Variants in NFATC2 observed in about 807,000 individuals in gnomAD.
NFATC2 encodes the protein nuclear factor of activated T-cells, cytoplasmic 2.
Under a neutral mutation model 87.3 loss-of-function variants are expected in NFATC2, and 22 were observed. The observed-to-expected ratio is 0.25, with a 90% confidence interval of 0.18 to 0.36. The LOEUF is 0.36. Ranked by LOEUF, NFATC2 falls within the 10% of genes least tolerant of loss-of-function variation. The pLI is 1.00. For missense variants in NFATC2, 1,149 were observed against 1,259.1 expected, an observed-to-expected ratio of 0.91 and a Z score of 1.32; for synonymous variants, 565 against 542.2, an observed-to-expected ratio of 1.04 and a Z score of -0.58.
chr20:51,414,826 T>C (rs1230522716), intron 9 of NFATC2, among the ~76,000 whole-genome samples: 1 of 152,152 alleles, frequency 6.6e-6, no homozygotes, highest in Non-Finnish European at 1.5e-5. Flanking sequence ...GCGAGGCTGA[T>C]CATGCATACA....
rs553552104 is a variant in NFATC2 at position 51,524,531 on chromosome 20, C to T, written c.131-421G>A. 6.6e-5 allele frequency among the ~76,000 whole-genome samples: 10 copies of T among 152,274 alleles called. No individual in the cohort carries two copies. In the East Asian group the frequency reaches 9.6e-4, roughly 15 times the overall value. ...AGTGATTTTGCTTCAACGCTGGTCACGACCCATTAGACGGATCCCCTAACC... is the reference window on the plus strand; with the variant it reads ...AGTGATTTTGCTTCAACGCTGGTCATGACCCATTAGACGGATCCCCTAACC... On this transcript the variant is annotated intron_variant, in intron 1 of 10. Transcript: ENST00000371564. The surrounding 1 kb of genome is among the most constrained non-coding windows in gnomAD (Gnocchi z 4.0).
chr20:51,483,313 T>A (rs1989422353), intron 3 of NFATC2, among the ~76,000 whole-genome samples: 1 of 151,348 alleles, frequency 6.6e-6, no homozygotes, highest in African/African-American at 2.4e-5. Flanking sequence ...CCAAACAGTT[T>A]TGAATTTTAC....
intron 10 of NFATC2, 71 bp from the exon 11 acceptor site, chr20:51,391,522 G>C (rs1986343473): frequency 1.3e-6 from 2 of 1,506,700 alleles, no homozygotes; most frequent in African/African-American, 1.4e-5. Flanking sequence ...ACATGCATCA[G>C]GTTCACTTTC....
Position 51,391,471 on chromosome 20 carries a change from G to T in NFATC2, c.*45-20C>A, listed in dbSNP as rs199675591. 55 of 1,579,112 alleles carry T rather than the reference G, an allele frequency of 3.5e-5. 1 individual carries two copies. The highest frequency in any genetic ancestry group is 2.7e-4 in the East Asian group (12 of 44,506). On this transcript the variant is annotated intron_variant, in intron 10 of 10. Transcript: ENST00000371564. ...CATTAACTACAAAAGAAAAGAGGAG[G>T]GGGGGGGAGAGAGAATGGGGCAAGT...
At chr20:51,483,435 G>A (rs1366473922) in intron 3 of NFATC2, among the ~76,000 whole-genome samples, 1 of 152,068 alleles carries the variant, frequency 6.6e-6, no homozygotes, top group Non-Finnish European at 1.5e-5. Context: ...CCCAGGGTGG[G>A]GGAGAAGGCC....
chr20:51,399,286 C>G (rs913274270), intron 9 of NFATC2: 6 of 153,648 alleles, frequency 3.9e-5, no homozygotes, highest in African/African-American at 1.4e-4. Context: ...AACGAAGGCA[C>G]TTGAATGAGA....
intron 6 of NFATC2, among the ~76,000 whole-genome samples, chr20:51,445,864 C>T (rs1402352893): frequency 2.6e-5 from 4 of 152,140 alleles, no homozygotes; most frequent in Non-Finnish European, 5.9e-5. Flanking sequence ...TGAGAGGGCA[C>T]GCTTGGATGC....
At chr20:51,487,931 T>C (rs1164459449) in intron 3 of NFATC2, among the ~76,000 whole-genome samples, 1 of 152,148 alleles carries the variant, frequency 6.6e-6, no homozygotes, top group Non-Finnish European at 1.5e-5. Context: ...GCATAACTCT[T>C]AGACTCAGCA....
At chr20:51,542,757 G>GC (rs966553071), upstream of NFATC2, 10 of 329,346 alleles carry the variant, frequency 3.0e-5, no homozygotes, top group Admixed American at 3.6e-4. Context: ...GGCGGGGGGG[G>GC]GGGGGGCGTG....
intron 9 of NFATC2, among the ~76,000 whole-genome samples, chr20:51,411,421 C>CACACACAT (rs1410905059): frequency 1.3e-5 from 2 of 150,854 alleles, no homozygotes; most frequent in African/African-American, 2.4e-5. Context: ...TATCCATGCA[C>CACACACAT]ACACACATAC....
intron 9 of NFATC2, among the ~76,000 whole-genome samples, chr20:51,403,334 G>A (rs1988242076): frequency 6.6e-6 from 1 of 152,198 alleles, no homozygotes; most frequent in African/African-American, 2.4e-5. Context: ...CGTGGCCCTT[G>A]CACGTACTGC....
At chr20:51,481,498 C>A (rs192561550) in intron 3 of NFATC2, among the ~76,000 whole-genome samples, 1 of 152,064 alleles carries the variant, frequency 6.6e-6, no homozygotes, top group Non-Finnish European at 1.5e-5. Flanking sequence ...AAGGTGAGAG[C>A]GAAAGTTTTC....
chr20:51,561,515 G>A (rs972582228), intron 1 of NFATC2, among the ~76,000 whole-genome samples: 6 of 138,826 alleles, frequency 4.3e-5, no homozygotes, highest in Non-Finnish European at 7.9e-5. Context: ...AAGCAAGCAA[G>A]CAAGCAAGCA....
intron 6 of NFATC2, 99 bp from the exon 7 acceptor site, chr20:51,435,860 T>G (rs1983486861): frequency 1.9e-5 from 19 of 995,768 alleles, no homozygotes; most frequent in Non-Finnish European, 2.9e-5. Context: ...GCTTGTATAT[T>G]ATGTCATTTC....
At chr20:51,553,429 A>G (rs2076950852) in intron 1 of NFATC2, among the ~76,000 whole-genome samples, 1 of 152,020 alleles carries the variant, frequency 6.6e-6, no homozygotes, top group Non-Finnish European at 1.5e-5. Context: ...TAATCCCAGC[A>G]CTTTGGGAGG....
chr20:51,416,187 TGA>T (rs1252016778), intron 9 of NFATC2, among the ~76,000 whole-genome samples: 3 of 152,060 alleles, frequency 2.0e-5, no homozygotes, highest in Non-Finnish European at 2.9e-5. Flanking sequence ...ACTTGAACCC[TGA>T]AGGCAGAGGT....
chr20:51,474,169 A>C lies in NFATC2; in HGVS notation c.1536-17T>G, dbSNP rs184518162. The C allele has an allele frequency of 2.4e-3, 3,804 of 1,612,300 alleles. 9 individuals are homozygous for C. The highest frequency in any genetic ancestry group is 3.0e-3 in the Admixed American group (181 of 59,958). On this transcript the variant is annotated splice_polypyrimidine_tract_variant and intron_variant, in intron 4 of 10. Transcript: ENST00000371564. ...CAGTCGATGCTGCCAGGATGTTAAG[A>C]ACCCCATTGTCACCAACTACCTTCA...
rs186620978 is a variant in NFATC2, at chr20:51,398,810, C to T, written c.2723-80G>A. Reference sequence around the variant, plus strand: ...TCTCTCTTACGCTTCCAACTCATGCCGATATCATCCAAGCCCAGGAGGGAA... The same window carrying T: ...TCTCTCTTACGCTTCCAACTCATGCTGATATCATCCAAGCCCAGGAGGGAA... On this transcript the variant is annotated intron_variant, in intron 9 of 10. Transcript: ENST00000371564. The T allele has an allele frequency of 8.0e-5, 77 of 959,486 alleles. No homozygotes were observed. The Middle Eastern group carries it at 8.4e-4, about 10-fold the overall frequency. The allele number at this position is 959,486 out of a possible 1,614,324, so 59.4% of individuals were successfully genotyped here.
intron 5 of NFATC2, among the ~76,000 whole-genome samples, chr20:51,460,755 G>A (rs566358454): frequency 5.3e-5 from 8 of 152,154 alleles, no homozygotes; most frequent in Non-Finnish European, 7.4e-5. Context: ...TCATAGGCAT[G>A]AGCCACTACG....
Sources: allele counts gnomAD v4.1 joint callset (sites outside exome capture counted in the v4.1 genomes callset), GRCh38; gene constraint gnomAD v4.1.1; non-coding constraint Gnocchi (gnomAD v3.1); transcripts MANE v1.5; gene names NCBI Gene and HGNC (gene_info 2026-07-23, HGNC 2026-07-21).